PACS2: variants seen among roughly 807,000 people sequenced by gnomAD.
The protein encoded by PACS2 is phosphofurin acidic cluster sorting protein 2, also known as PACS1-like protein.
In PACS2, 36 loss-of-function variants were observed where a neutral mutation model predicts 113.0. That is an observed-to-expected ratio of 0.32 (90% confidence interval 0.24 to 0.42). PACS2 has a LOEUF of 0.42. Ranked by LOEUF, PACS2 falls within the 10% of genes least tolerant of loss-of-function variation. The probability of loss-of-function intolerance (pLI) is 1.00; values close to 1 mark genes in which losing one functional copy is unlikely to be tolerated. For missense variants in PACS2, 1,015 were observed against 1,239.5 expected, an observed-to-expected ratio of 0.82 and a Z score of 2.72; for synonymous variants, 589 against 536.1, an observed-to-expected ratio of 1.10 and a Z score of -1.36.
At chr14:105,373,825 A>G (rs1217522751) in intron 8 of PACS2, among the ~76,000 whole-genome samples, 1 of 151,582 alleles carries the variant, frequency 6.6e-6, no homozygotes, top group Non-Finnish European at 1.5e-5. Flanking sequence ...ACCTCACACC[A>G]TATTCAAGAA....
intron 10 of PACS2, 87 bp downstream of exon 10, chr14:105,379,916 C>T (rs2080921040): frequency 2.1e-6 from 3 of 1,425,662 alleles, no homozygotes; most frequent in Non-Finnish European, 2.9e-6. Context: ...TGTCCTGGGC[C>T]CAGGGCCCTG....
At chr14:105,325,609 G>A (rs1209850973) in intron 1 of PACS2, among the ~76,000 whole-genome samples, 1 of 152,182 alleles carries the variant, frequency 6.6e-6, no homozygotes, top group African/African-American at 2.4e-5. Flanking sequence ...CTTGAGCTGG[G>A]CAGCAAAGTG....
At chr14:105,352,054 G>A (rs1555404077) in intron 2 of PACS2, among the ~76,000 whole-genome samples, 1 of 152,196 alleles carries the variant, frequency 6.6e-6, no homozygotes, top group Admixed American at 6.5e-5. Flanking sequence ...GACTTGGGCA[G>A]CGCAGTCAGG....
chr14:105,391,260 C>T lies in PACS2; in HGVS notation c.2119+11C>T. 6.2e-7 allele frequency: 1 copy of T among 1,608,320 alleles called. No homozygotes were observed. Among genetic ancestry groups the T allele is most frequent in the East Asian group, 2.2e-5 (1 of 44,856 alleles). ...CCTCGGCCACATCAGGTAACCCCGT[C>T]CCACCCTGAGGCCTTGTGAGTGGCC... is the stretch of plus-strand genomic sequence containing the variant. On this transcript the variant is annotated intron_variant, in intron 21 of 24. Transcript: ENST00000447393.
chr14:105,383,287 G>T, intron 15 of PACS2, 72 bp from the exon 16 acceptor site: 1 of 1,548,940 alleles, frequency 6.5e-7, no homozygotes. Context: ...GCTCACACTG[G>T]CATCCTTGGA....
At position 105,355,088 on chromosome 14, in the gene PACS2, C is replaced by T; in HGVS notation, c.334C>T (p.Gln112Ter). 1 of 1,613,618 alleles carries T rather than the reference C, an allele frequency of 6.2e-7. No individual in the cohort carries two copies. Among genetic ancestry groups the T allele is most frequent in the Non-Finnish European group, 8.5e-7 (1 of 1,179,886 alleles). Residue 112 changes from glutamine (Q) to a stop codon, truncating the protein, a stop_gained, in exon 4 of 25, where the codon CAG (glutamine) becomes TAG (stop). Transcript: ENST00000447393. LOFTEE classifies it high-confidence loss of function. This position sits in a 1 kb window ranked among gnomAD's most constrained non-coding sequence, Gnocchi z 4.1. The stretch of plus-strand genomic sequence containing the variant: ...CTTGAAGAGGGAAGGCAACAAGCTT[C>T]AGATCATGCTGCAGCGCAGAAAGCG... ...HFLKREGNKL[Q>*]IMLQRRKRYK... is the part of the protein sequence containing the mutation.
At chr14:105,331,747 A>G (rs2059310724) in intron 1 of PACS2, among the ~76,000 whole-genome samples, 1 of 152,234 alleles carries the variant, frequency 6.6e-6, no homozygotes, top group African/African-American at 2.4e-5. Context: ...AATGCCTTTG[A>G]TGAGTATGGC....
At chr14:105,384,821 C>A in intron 17 of PACS2, 58 bp from the exon 18 acceptor site, 1 of 1,173,276 alleles carries the variant, frequency 8.5e-7, no homozygotes, top group Non-Finnish European at 1.2e-6. Flanking sequence ...CCAGCTTAGC[C>A]CCGCCTGCAA....
intron 15 of PACS2, 70 bp downstream of exon 15, chr14:105,382,983 C>A: frequency 1.1e-6 from 1 of 921,648 alleles, no homozygotes; most frequent in South Asian, 1.4e-5. Flanking sequence ...CACCTCTGCC[C>A]ATTGCTCCGG....
rs1216749560 is a variant in PACS2, at chr14:105,315,469, G to A, written c.119+432G>A. 6.6e-6 allele frequency: 1 copy of A among 152,236 alleles called. No individual in the cohort carries two copies. The highest frequency in any genetic ancestry group is 2.4e-5 in the African/African-American group (1 of 41,454). The allele number at this position is 152,236 out of a possible 1,614,324, so 9.4% of individuals were successfully genotyped here. A position where few individuals can be genotyped will look rare whatever the true frequency, so the allele number is the denominator to read the frequency against. ...GGCCTGGGAGCGACCCCCGGCGCACGGGGCGCGCAGGACTCGGTTGTATCC... is the reference window on the plus strand; with the variant it reads ...GGCCTGGGAGCGACCCCCGGCGCACAGGGCGCGCAGGACTCGGTTGTATCC... On this transcript the variant is annotated intron_variant, in intron 1 of 24. Transcript: ENST00000447393. The surrounding 1 kb of genome is among the most constrained non-coding windows in gnomAD (Gnocchi z 4.4).
intron 12 of PACS2, 122 bp from the exon 13 acceptor site, chr14:105,381,792 C>T (rs1170042144): frequency 5.7e-6 from 5 of 883,330 alleles, no homozygotes; most frequent in Non-Finnish European, 8.6e-6. Context: ...CATCAGTCAG[C>T]CCTGTGCTCA....
intron 1 of PACS2, among the ~76,000 whole-genome samples, chr14:105,337,390 G>A (rs587768471): frequency 2.0e-5 from 3 of 152,358 alleles, no homozygotes; most frequent in South Asian, 2.1e-4. Context: ...ATCCACGCAC[G>A]TAGTGCCACT....
intron 6 of PACS2, 95 bp from the exon 7 acceptor site, chr14:105,368,364 G>T: frequency 4.0e-6 from 4 of 998,852 alleles, no homozygotes; most frequent in Non-Finnish European, 6.4e-6. Flanking sequence ...GGCTCTCAGT[G>T]CCGGGCCTCT....
intron 1 of PACS2, among the ~76,000 whole-genome samples, chr14:105,343,772 T>A (rs2059821159): frequency 6.6e-6 from 1 of 151,856 alleles, no homozygotes; most frequent in Admixed American, 6.6e-5. Context: ...CTCAGCTCAC[T>A]GCAACCTTTA....
chr14:105,315,325 G>T lies in PACS2; in HGVS notation c.119+288G>T, dbSNP rs935252377. Reference sequence around the variant, plus strand: ...GGGGCTCCCGGGCGGCGCTCACCTGGCTCGCCGCAACCGCACCTGCACACC... The same window carrying T: ...GGGGCTCCCGGGCGGCGCTCACCTGTCTCGCCGCAACCGCACCTGCACACC... On this transcript the variant is annotated intron_variant, in intron 1 of 24. Transcript: ENST00000447393. The surrounding 1 kb of genome is among the most constrained non-coding windows in gnomAD (Gnocchi z 4.4). 1.3e-5 allele frequency: 2 copies of T among 153,684 alleles called. No individual in the cohort carries two copies. The highest frequency in any genetic ancestry group is 1.3e-4 in the Admixed American group (2 of 15,308). 9.5% of individuals were successfully genotyped at this position (153,684 alleles called of 1,614,324 possible).
At position 105,384,939 on chromosome 14, in the gene PACS2, C is replaced by T; in HGVS notation, c.1952C>T (p.Ala651Val). ...ITQYIAGANC[A>V]HQLPIAEAML... ...CAGTACATCGCAGGGGCCAACTGTG[C>T]CCACCAGCTCCCCATCGCAGAGGCC... Residue 651 changes from alanine (A) to valine (V), a missense_variant, in exon 18 of 25, where the codon GCC becomes GTC. By Grantham distance (64) the Ala-to-Val change is moderately conservative. Around this residue, in one of 3 missense-constraint regions of PACS2, gnomAD observed 859 missense variants for 1,056.8 expected, o/e 0.81. Coordinates refer to ENST00000447393, the MANE Select transcript of PACS2 (RefSeq NM_001100913.3). The T allele has an allele frequency of 6.3e-7, 1 of 1,599,906 alleles. No individual in the cohort carries two copies. Among genetic ancestry groups the T allele is most frequent in the Non-Finnish European group, 8.5e-7 (1 of 1,173,476 alleles).
At chr14:105,381,417 A>G (rs1320264294) in intron 12 of PACS2, among the ~76,000 whole-genome samples, 3 of 152,174 alleles carry the variant, frequency 2.0e-5, no homozygotes, top group Non-Finnish European at 4.4e-5. Flanking sequence ...CACCAGCTTG[A>G]TTCTTCCAGG....
rs587699186 is a variant in PACS2, at chr14:105,324,604, A to G, written c.119+9567A>G. 6.6e-5 allele frequency among the ~76,000 whole-genome samples: 10 copies of G among 152,288 alleles called. No individual in the cohort carries two copies. Among genetic ancestry groups the G allele is most frequent in the African/African-American group, 1.9e-4 (8 of 41,572 alleles). ...CGCAGGCGCGCGCCGATGTGTGCTC[A>G]GCTCAGGCCGACTTAGCAGGGTTGT... On this transcript the variant is annotated intron_variant, in intron 1 of 24. Coordinates refer to ENST00000447393, the MANE Select transcript of PACS2 (RefSeq NM_001100913.3). This position sits in a 1 kb window ranked among gnomAD's most constrained non-coding sequence, Gnocchi z 4.7.
intron 2 of PACS2, among the ~76,000 whole-genome samples, chr14:105,351,848 A>G (rs1237977283): frequency 6.6e-6 from 1 of 152,180 alleles, no homozygotes; most frequent in African/African-American, 2.4e-5. Flanking sequence ...CTCAAAAAAT[A>G]AAAACAAAAA....
Sources: gnomAD v4.1 joint callset for allele counts (sites outside exome capture counted in the v4.1 genomes callset) on GRCh38, gnomAD v4.1.1 for gene constraint, gnomAD v4.1.1 regional missense constraint, Gnocchi (gnomAD v3.1) non-coding constraint, MANE v1.5 for transcripts, NCBI Gene and HGNC (gene_info 2026-07-23, HGNC 2026-07-21) for gene names.